PIAS1: variants seen among roughly 807,000 people sequenced by gnomAD.
The protein encoded by PIAS1 is E3 SUMO-protein ligase PIAS1.
In PIAS1, 6 loss-of-function variants were observed where a neutral mutation model predicts 71.3. The ratio of observed to expected loss-of-function variants is 0.08; its 90% CI spans 0.05 to 0.17. The LOEUF (loss-of-function observed/expected upper bound fraction) is 0.17, where lower values mean the gene tolerates loss of function less well. Ranked by LOEUF, PIAS1 falls within the 10% of genes least tolerant of loss-of-function variation. The pLI, the probability that PIAS1 is intolerant of heterozygous loss-of-function variation, is 1.00. For missense variants in PIAS1, 555 were observed against 793.6 expected (o/e 0.70, Z 3.61); for synonymous variants, 303 against 292.9 (o/e 1.03, Z -0.35).
At chr15:68,111,762 G>A (rs1191998388) in intron 2 of PIAS1, among the ~76,000 whole-genome samples, 2 of 152,036 alleles carry the variant, frequency 1.3e-5, no homozygotes, top group Non-Finnish European at 2.9e-5. Flanking sequence ...AAAAAGAAAG[G>A]TTTATTATAC....
At chr15:68,061,882 T>G (rs1276528096) in intron 1 of PIAS1, among the ~76,000 whole-genome samples, 1 of 152,212 alleles carries the variant, frequency 6.6e-6, no homozygotes, top group Non-Finnish European at 1.5e-5. Context: ...AGCCCTTAAC[T>G]TAAAGCCAGA....
chr15:68,167,002 T>C lies in PIAS1; in HGVS notation c.1008+2198T>C, dbSNP rs144157359. 2.2e-3 allele frequency among the ~76,000 whole-genome samples: 337 copies of C among 152,270 alleles called. 4 individuals carry two copies. The highest frequency in any genetic ancestry group is 3.5e-3 in the Non-Finnish European group (241 of 68,014). ...CACCACACCCGGCTGATTTTTGCAT[T>C]TTTTTGTAGAGACAAGGTCTTGATA... On this transcript the variant is annotated intron_variant, in intron 8 of 13. Coordinates refer to ENST00000249636, the MANE Select transcript of PIAS1 (RefSeq NM_016166.3). This position sits in a 1 kb window ranked among gnomAD's most constrained non-coding sequence, Gnocchi z 4.4.
intron 11 of PIAS1, among the ~76,000 whole-genome samples, chr15:68,177,154 C>G (rs1332205388): frequency 1.3e-5 from 2 of 151,726 alleles, no homozygotes; most frequent in African/African-American, 2.4e-5. Context: ...TGGCATGCGC[C>G]TGTAATCTCA....
intron 2 of PIAS1, among the ~76,000 whole-genome samples, chr15:68,117,673 A>C (rs2092577187): frequency 6.6e-6 from 1 of 152,186 alleles, no homozygotes; most frequent in African/African-American, 2.4e-5. Context: ...CCGTGTTGCC[A>C]CAAAAGACAG....
intron 2 of PIAS1, among the ~76,000 whole-genome samples, chr15:68,093,479 A>G (rs1341437368): frequency 6.6e-6 from 1 of 152,236 alleles, no homozygotes; most frequent in Admixed American, 6.5e-5. Context: ...GCATCAGTTA[A>G]TCATAATATC....
At chr15:68,115,827 T>C (rs2092560781) in intron 2 of PIAS1, among the ~76,000 whole-genome samples, 2 of 152,168 alleles carry the variant, frequency 1.3e-5, no homozygotes, top group South Asian at 4.1e-4. Context: ...TGCGTTAATA[T>C]GGTGACTTGA....
chr15:68,103,575 C>T (rs2092446112), intron 2 of PIAS1, among the ~76,000 whole-genome samples: 1 of 152,130 alleles, frequency 6.6e-6, no homozygotes. Flanking sequence ...TTTCATCACC[C>T]AGAAAAGAGC....
intron 2 of PIAS1, among the ~76,000 whole-genome samples, chr15:68,121,901 G>C (rs368118111): frequency 6.6e-6 from 1 of 152,180 alleles, no homozygotes; most frequent in Non-Finnish European, 1.5e-5. Context: ...GCCAAGGCGG[G>C]CAGATTGCTT....
In PIAS1 at chr15:68,189,412, G is replaced by T. The variant is rs1218142095; in HGVS notation, c.*1577G>T. ...CTATTAATGTTCTCAGAGTTGATGA[G>T]GACCACCTTTGTGTATACACTTGTA... On this transcript the variant is annotated 3_prime_UTR_variant, in exon 14 of 14. Coordinates refer to ENST00000249636, the MANE Select transcript of PIAS1 (RefSeq NM_016166.3). 1 of 152,100 alleles carries T rather than the reference G, an allele frequency of 6.6e-6. No homozygotes were observed. The highest frequency in any genetic ancestry group is 1.5e-5 in the Non-Finnish European group (1 of 68,012). 9.4% of individuals were successfully genotyped at this position (152,100 alleles called of 1,614,324 possible).
intron 7 of PIAS1, among the ~76,000 whole-genome samples, chr15:68,163,560 G>C (rs2092938098): frequency 6.6e-6 from 1 of 152,160 alleles, no homozygotes; most frequent in Non-Finnish European, 1.5e-5. Context: ...CTAATTTATG[G>C]AAATAGTTGG....
intron 6 of PIAS1, among the ~76,000 whole-genome samples, chr15:68,152,770 T>A (rs2092856781): frequency 6.6e-6 from 1 of 152,180 alleles, no homozygotes; most frequent in African/African-American, 2.4e-5. Context: ...TAGAAACTGA[T>A]CCTTCTCATT....
At chr15:68,137,316 G>T (rs1043901426) in intron 2 of PIAS1, among the ~76,000 whole-genome samples, 1 of 152,076 alleles carries the variant, frequency 6.6e-6, no homozygotes, top group Non-Finnish European at 1.5e-5. Context: ...ATGTTCATAT[G>T]TCCCCTGAGA....
At chr15:68,059,469 TG>T (rs2091933739) in intron 1 of PIAS1, among the ~76,000 whole-genome samples, 2 of 151,626 alleles carry the variant, frequency 1.3e-5, no homozygotes, top group South Asian at 4.2e-4. Context: ...ACCAGCACCT[TG>T]GGAGGCTGAG....
chr15:68,159,602 G>T (rs1377381153), intron 7 of PIAS1, among the ~76,000 whole-genome samples: 1 of 152,060 alleles, frequency 6.6e-6, no homozygotes, highest in Non-Finnish European at 1.5e-5. Context: ...CTTTCACTTA[G>T]TATAATGCTT....
At chr15:68,172,942 G>A (rs1326952664) in intron 8 of PIAS1, among the ~76,000 whole-genome samples, 1 of 152,220 alleles carries the variant, frequency 6.6e-6, no homozygotes. Context: ...ATGGTTCCCA[G>A]TGAGGAAGCA....
At chr15:68,161,083 A>G (rs1366009073) in intron 7 of PIAS1, among the ~76,000 whole-genome samples, 1 of 152,268 alleles carries the variant, frequency 6.6e-6, no homozygotes, top group Non-Finnish European at 1.5e-5. Flanking sequence ...AAAAGCTACT[A>G]GAAATACTAT....
intron 2 of PIAS1, among the ~76,000 whole-genome samples, chr15:68,107,244 A>G (rs2092479695): frequency 6.6e-6 from 1 of 152,308 alleles, no homozygotes; most frequent in South Asian, 2.1e-4. Context: ...GGGATTGTCC[A>G]TTAACTTACA....
rs148421597 is a variant in PIAS1 at position 68,167,066 on chromosome 15, A to G, written c.1008+2262A>G. Among the ~76,000 whole-genome samples the G allele has an allele frequency of 0.012, 1,868 of 152,210 alleles. 40 individuals are homozygous for G. Among genetic ancestry groups the G allele is most frequent in the African/African-American group, 0.043 (1,770 of 41,536 alleles). On this transcript the variant is annotated intron_variant, in intron 8 of 13. Transcript: ENST00000249636. This position sits in a 1 kb window ranked among gnomAD's most constrained non-coding sequence, Gnocchi z 4.4. ...GGTCATGGACTCCTGGCCTCAAGCA[A>G]TCCTCCTGCCTTGGCCTCCCTTGGG...
intron 4 of PIAS1, among the ~76,000 whole-genome samples, chr15:68,145,140 A>C (rs1204580430): frequency 6.6e-6 from 1 of 152,140 alleles, no homozygotes; most frequent in Non-Finnish European, 1.5e-5. Flanking sequence ...TCTTTCCTTG[A>C]TTTTTCCAAA....
Sources: gnomAD v4.1 joint callset for allele counts (sites outside exome capture counted in the v4.1 genomes callset) on GRCh38, gnomAD v4.1.1 for gene constraint, Gnocchi (gnomAD v3.1) non-coding constraint, MANE v1.5 for transcripts, NCBI Gene and HGNC (gene_info 2026-07-23, HGNC 2026-07-21) for gene names.